The following NKAIN2 variants were observed in gnomAD, a reference collection of about 807,000 sequenced individuals.
The protein encoded by NKAIN2 is sodium/potassium-transporting ATPase subunit beta-1-interacting protein 2.
Under a neutral mutation model 32.6 loss-of-function variants are expected in NKAIN2, and 14 were observed. The ratio of observed to expected loss-of-function variants is 0.43; its 90% CI spans 0.28 to 0.67. The LOEUF is 0.67. Among genes scored for constraint, NKAIN2 ranks in the 30% least tolerant of loss-of-function variants. The probability of loss-of-function intolerance (pLI) is 0.17; values close to 1 mark genes in which losing one functional copy is unlikely to be tolerated. For missense variants in NKAIN2, 198 were observed against 258.3 expected (o/e 0.77, Z 1.60); for synonymous variants, 80 against 87.2 (o/e 0.92, Z 0.46).
chr6:124,186,118 C>CA lies in NKAIN2; in HGVS notation c.55-96881dup, dbSNP rs1345332537. 3.8e-3 allele frequency among the ~76,000 whole-genome samples: 87 copies of CA among 23,048 alleles called. 1 individual carries two copies. The highest frequency in any genetic ancestry group is 0.026 in the Middle Eastern group (1 of 38). The allele number at this position is 23,048 out of a possible 152,430, so 15.1% of individuals were successfully genotyped here. A position where few individuals can be genotyped will look rare whatever the true frequency, so the allele number is the denominator to read the frequency against. On this transcript the variant is annotated intron_variant, in intron 1 of 6. Coordinates refer to ENST00000368417, the MANE Select transcript of NKAIN2 (RefSeq NM_001040214.3). ...GCAACATAGTAAGACCCTGTCTTTA[C>CA]AAAAAATAAAAAAAAGAAAAGAAAG...
chr6:124,386,097 G>A (rs1164752651), intron 3 of NKAIN2, among the ~76,000 whole-genome samples: 1 of 151,998 alleles, frequency 6.6e-6, no homozygotes, highest in Non-Finnish European at 1.5e-5. Flanking sequence ...TTAGAAAACA[G>A]AAAGAAGTCA....
At chr6:124,717,287 A>T (rs1775799850) in intron 4 of NKAIN2, among the ~76,000 whole-genome samples, 1 of 152,224 alleles carries the variant, frequency 6.6e-6, no homozygotes, top group Admixed American at 6.5e-5. Context: ...GTCACTTTAT[A>T]TATGTAACAT....
intron 1 of NKAIN2, among the ~76,000 whole-genome samples, chr6:123,989,746 A>G (rs1779334375): frequency 6.6e-6 from 1 of 152,218 alleles, no homozygotes; most frequent in Non-Finnish European, 1.5e-5. Context: ...ATCTTTAGAT[A>G]CAATTCCTTG....
At chr6:124,279,245 C>T (rs1795182606) in intron 1 of NKAIN2, among the ~76,000 whole-genome samples, 1 of 152,042 alleles carries the variant, frequency 6.6e-6, no homozygotes, top group South Asian at 2.1e-4. Flanking sequence ...CAGTGGCTCA[C>T]ACCTGTACTC....
At chr6:124,699,396 T>G (rs1364651316) in intron 4 of NKAIN2, among the ~76,000 whole-genome samples, 1 of 152,198 alleles carries the variant, frequency 6.6e-6, no homozygotes, top group African/African-American at 2.4e-5. Flanking sequence ...AAGAGGAGGC[T>G]GCAAGGCCTT....
chr6:124,641,039 C>T (rs6914004), intron 3 of NKAIN2, among the ~76,000 whole-genome samples: 40,682 of 151,982 alleles, frequency 0.27, 5,893 homozygotes, highest in African/African-American at 0.38. Context: ...GTGAACATAT[C>T]GGGTTTAACA....
intron 3 of NKAIN2, among the ~76,000 whole-genome samples, chr6:124,605,126 AGT>A (rs1782450716): frequency 6.6e-6 from 1 of 152,188 alleles, no homozygotes; most frequent in South Asian, 2.1e-4. Flanking sequence ...TTAACAACTA[AGT>A]TCAATCTTTT....
chr6:123,998,323 A>G (rs539037454), intron 1 of NKAIN2, among the ~76,000 whole-genome samples: 1 of 152,252 alleles, frequency 6.6e-6, no homozygotes, highest in South Asian at 2.1e-4. Flanking sequence ...TGCTATTGAG[A>G]AGTTTTATGT....
chr6:124,208,659 A>G (rs1327263298), intron 1 of NKAIN2, among the ~76,000 whole-genome samples: 3 of 151,464 alleles, frequency 2.0e-5, no homozygotes, highest in African/African-American at 2.4e-5. Flanking sequence ...TTTATCCTAC[A>G]TAAACTGTAA....
intron 3 of NKAIN2, among the ~76,000 whole-genome samples, chr6:124,362,239 T>G (rs1011907696): frequency 2.0e-5 from 3 of 152,032 alleles, no homozygotes; most frequent in Non-Finnish European, 2.9e-5. Flanking sequence ...CTAAAGTAAT[T>G]AGAAAAAATT....
intron 1 of NKAIN2, among the ~76,000 whole-genome samples, chr6:123,877,434 A>G (rs1413827089): frequency 5.9e-5 from 9 of 152,218 alleles, no homozygotes; most frequent in African/African-American, 1.9e-4. Flanking sequence ...TTTATGACAC[A>G]TATTCATCTG....
At chr6:124,115,847 T>G (rs1785584373) in intron 1 of NKAIN2, among the ~76,000 whole-genome samples, 1 of 152,118 alleles carries the variant, frequency 6.6e-6, no homozygotes, top group African/African-American at 2.4e-5. Context: ...TTTTGGTATG[T>G]ATAGTGATAT....
intron 1 of NKAIN2, among the ~76,000 whole-genome samples, chr6:124,225,881 T>C (rs1039507370): frequency 3.3e-5 from 5 of 152,022 alleles, no homozygotes; most frequent in African/African-American, 1.2e-4. Context: ...TCTAGTGGCA[T>C]GAGGTATATA....
chr6:124,691,876 TATA>T, intron 4 of NKAIN2, among the ~76,000 whole-genome samples: 1 of 152,292 alleles, frequency 6.6e-6, no homozygotes, highest in Non-Finnish European at 1.5e-5. Context: ...TACTTTACAA[TATA>T]GTTTTTTTTG....
chr6:123,967,713 A>G (rs766924393), intron 1 of NKAIN2, among the ~76,000 whole-genome samples: 21 of 152,100 alleles, frequency 1.4e-4, no homozygotes, highest in Non-Finnish European at 2.5e-4. Context: ...ATATATACAC[A>G]TACTCACAAC....
rs543123938 is a variant in NKAIN2 at position 123,875,184 on chromosome 6, A to T, written c.54+70930A>T. 2.4e-4 allele frequency among the ~76,000 whole-genome samples: 37 copies of T among 152,118 alleles called. 1 individual carries two copies. Among genetic ancestry groups the T allele is most frequent in the African/African-American group, 8.9e-4 (37 of 41,546 alleles). On this transcript the variant is annotated intron_variant, in intron 1 of 6. Transcript: ENST00000368417. ...TTTATAGTAAATAACACTGAAACGA[A>T]TAGTTTTCTAAACACTTTTTTTTAC...
intron 2 of NKAIN2, among the ~76,000 whole-genome samples, chr6:124,320,631 CT>C (rs749719454): frequency 3.3e-5 from 5 of 152,168 alleles, no homozygotes; most frequent in Non-Finnish European, 7.4e-5. Flanking sequence ...TCTATAGCCC[CT>C]AGCCCAATTT....
chr6:124,078,084 G>A (rs766028794), intron 1 of NKAIN2, among the ~76,000 whole-genome samples: 1 of 152,016 alleles, frequency 6.6e-6, no homozygotes, highest in Non-Finnish European at 1.5e-5. Context: ...ATGTATTGTG[G>A]GAATAAAGTA....
chr6:124,282,705 C>T (rs575887098), intron 1 of NKAIN2, among the ~76,000 whole-genome samples: 14 of 152,300 alleles, frequency 9.2e-5, no homozygotes, highest in African/African-American at 3.4e-4. Context: ...AAATGTTTGA[C>T]AGTGCACATG....
Sources: gnomAD v4.1 joint callset for allele counts (sites outside exome capture counted in the v4.1 genomes callset) on GRCh38, gnomAD v4.1.1 for gene constraint, MANE v1.5 for transcripts, NCBI Gene and HGNC (gene_info 2026-07-23, HGNC 2026-07-21) for gene names.